Variants in KIF16B observed in about 807,000 individuals in gnomAD.
The protein encoded by KIF16B is kinesin-like protein KIF16B.
In KIF16B, 98 loss-of-function variants were observed where a neutral mutation model predicts 156.3. That is an observed-to-expected ratio of 0.63 (90% confidence interval 0.53 to 0.74). The LOEUF (loss-of-function observed/expected upper bound fraction) is 0.74, where lower values mean the gene tolerates loss of function less well. Among genes scored for constraint, KIF16B ranks in the 30% least tolerant of loss-of-function variants. The pLI, the probability that KIF16B is intolerant of heterozygous loss-of-function variation, is 0.00. For missense variants in KIF16B, 1,421 were observed against 1,606.5 expected (o/e 0.88, Z 1.97); for synonymous variants, 564 against 583.7 (o/e 0.97, Z 0.49).
At chr20:16,446,170 TA>T (rs1198180984) in intron 12 of KIF16B, among the ~76,000 whole-genome samples, 1 of 152,154 alleles carries the variant, frequency 6.6e-6, no homozygotes, top group Non-Finnish European at 1.5e-5. Flanking sequence ...GTGTACCACT[TA>T]AACCATGAGA....
intron 22 of KIF16B, among the ~76,000 whole-genome samples, chr20:16,361,326 A>G (rs904187667): frequency 1.3e-5 from 2 of 152,230 alleles, no homozygotes; most frequent in African/African-American, 4.8e-5. Flanking sequence ...ATAGCCTCAA[A>G]CATCAGCCAG....
intron 15 of KIF16B, among the ~76,000 whole-genome samples, chr20:16,411,111 C>T (rs1232608083): frequency 6.6e-6 from 1 of 152,064 alleles, no homozygotes; most frequent in African/African-American, 2.4e-5. Context: ...AATGCTGTGT[C>T]TGTTCCTAAA....
At chr20:16,461,845 G>A (rs1013719353) in intron 12 of KIF16B, among the ~76,000 whole-genome samples, 3 of 152,164 alleles carry the variant, frequency 2.0e-5, no homozygotes, top group East Asian at 3.8e-4. Context: ...AGTAACTAAC[G>A]AAGGCAGTTA....
At chr20:16,506,940 T>TA (rs11323785) in intron 7 of KIF16B, among the ~76,000 whole-genome samples, 54 of 143,788 alleles carry the variant, frequency 3.8e-4, no homozygotes, top group African/African-American at 7.4e-4. Context: ...AGAAAAAACT[T>TA]AAAAAAAAAA....
intron 12 of KIF16B, among the ~76,000 whole-genome samples, chr20:16,431,674 C>T (rs752356967): frequency 6.6e-6 from 1 of 152,132 alleles, no homozygotes; most frequent in East Asian, 1.9e-4. Flanking sequence ...AGCAACACAT[C>T]TGAGGTTCTG....
intron 4 of KIF16B, among the ~76,000 whole-genome samples, chr20:16,514,032 T>C (rs2069051517): frequency 6.6e-6 from 1 of 152,342 alleles, no homozygotes; most frequent in Non-Finnish European, 1.5e-5. Context: ...AAATGAGTCT[T>C]ACGTCGTATT....
chr20:16,297,697 GAAA>G (rs35929179), intron 25 of KIF16B, among the ~76,000 whole-genome samples: 2 of 103,936 alleles, frequency 1.9e-5, no homozygotes, highest in African/African-American at 3.5e-5. Context: ...CTCCATCTCA[GAAA>G]AAAAAAAAAA....
chr20:16,532,696 C>T (rs532974468), intron 1 of KIF16B, among the ~76,000 whole-genome samples: 10 of 152,288 alleles, frequency 6.6e-5, no homozygotes, highest in South Asian at 4.1e-4. Context: ...TAACCTAATG[C>T]ATCTAGAGCT....
intron 12 of KIF16B, among the ~76,000 whole-genome samples, chr20:16,454,569 G>A (rs2146629318): frequency 6.6e-6 from 1 of 151,968 alleles, no homozygotes; most frequent in African/African-American, 2.4e-5. Context: ...TTATTTGAAA[G>A]CTGTTTTGAA....
At chr20:16,496,467 T>G (rs886320488) in intron 11 of KIF16B, among the ~76,000 whole-genome samples, 8 of 152,232 alleles carry the variant, frequency 5.3e-5, no homozygotes, top group Non-Finnish European at 1.5e-5. Context: ...AAACATGTGC[T>G]ACTACTTCTA....
At chr20:16,284,504 T>C (rs1332284838) in intron 25 of KIF16B, among the ~76,000 whole-genome samples, 1 of 152,150 alleles carries the variant, frequency 6.6e-6, no homozygotes, top group East Asian at 1.9e-4. Flanking sequence ...AATTTTTACT[T>C]TCACTCTCTC....
chr20:16,524,927 C>A lies in KIF16B; in HGVS notation c.231+1165G>T, dbSNP rs187498016. ...CATTCTCAGCAAACCAACACAGGAA[C>A]AGAAAACCAAACACCAGATGTTCTC... On this transcript the variant is annotated intron_variant, in intron 3 of 25. Transcript: ENST00000354981. 8.5e-5 allele frequency among the ~76,000 whole-genome samples: 13 copies of A among 152,246 alleles called. No individual in the cohort carries two copies. In the East Asian group the frequency reaches 2.5e-3, roughly 29 times the overall value.
intron 3 of KIF16B, among the ~76,000 whole-genome samples, chr20:16,517,211 T>A (rs6044052): frequency 6.6e-6 from 1 of 152,132 alleles, no homozygotes; most frequent in Non-Finnish European, 1.5e-5. Context: ...TTCTACAGAC[T>A]TTGTTTCCTC....
Position 16,367,075 on chromosome 20 carries a change from G to A in KIF16B, c.3498+3511C>T, listed in dbSNP as rs2064683580. The stretch of plus-strand genomic sequence containing the variant: ...TACACGGAGATATTCATATTGCCTT[G>A]ACTGTTTTCACAATGCTTATTTTAT... On this transcript the variant is annotated intron_variant, in intron 22 of 25. Coordinates refer to ENST00000354981, the MANE Select transcript of KIF16B (RefSeq NM_024704.5). 15 of 1,460,416 alleles carry A rather than the reference G, an allele frequency of 1.0e-5. No individual in the cohort carries two copies. In the South Asian group the frequency reaches 2.1e-4, roughly 21 times the overall value. 90.5% of individuals were successfully genotyped at this position (1,460,416 alleles called of 1,614,324 possible).
chr20:16,371,845 C>T (rs2064830340), intron 20 of KIF16B, 84 bp from the exon 21 acceptor site: 2 of 850,368 alleles, frequency 2.4e-6, no homozygotes, highest in Non-Finnish European at 3.9e-6. Context: ...ACGCCCTTCA[C>T]AACAGGGAGC....
intron 22 of KIF16B, among the ~76,000 whole-genome samples, chr20:16,363,578 T>G (rs1189861235): frequency 1.3e-5 from 2 of 152,214 alleles, no homozygotes; most frequent in East Asian, 1.9e-4. Flanking sequence ...TGCCCCTTGA[T>G]TTGGGGCTTG....
At chr20:16,457,989 CAGAG>C (rs768874329) in intron 12 of KIF16B, among the ~76,000 whole-genome samples, 13 of 151,924 alleles carry the variant, frequency 8.6e-5, no homozygotes, top group Non-Finnish European at 1.6e-4. Context: ...TAGGAGGTGA[CAGAG>C]AGAGATAATT....
intron 12 of KIF16B, among the ~76,000 whole-genome samples, chr20:16,442,581 T>A (rs1403146679): frequency 1.3e-5 from 2 of 152,116 alleles, no homozygotes; most frequent in African/African-American, 4.8e-5. Flanking sequence ...CTAGCTTTTT[T>A]AATTACACAG....
chr20:16,572,114 C>G (rs1165279931), intron 1 of KIF16B, among the ~76,000 whole-genome samples: 1 of 152,166 alleles, frequency 6.6e-6, no homozygotes, highest in Non-Finnish European at 1.5e-5. Flanking sequence ...CAAACTCTTA[C>G]TCTAAACAGC....
Sources: allele counts gnomAD v4.1 joint callset (sites outside exome capture counted in the v4.1 genomes callset), GRCh38; gene constraint gnomAD v4.1.1; transcripts MANE v1.5; gene names NCBI Gene and HGNC (gene_info 2026-07-23, HGNC 2026-07-21).